PKHD1: variants seen among roughly 807,000 people sequenced by gnomAD.
PKHD1 encodes the protein PKHD1 ciliary IPT domain containing fibrocystin/polyductin, also known as fibrocystin.
In PKHD1, 291 loss-of-function variants were observed where a neutral mutation model predicts 412.0. The observed-to-expected ratio is 0.71, with a 90% confidence interval of 0.64 to 0.78. The LOEUF (loss-of-function observed/expected upper bound fraction) is 0.78. Ranked by LOEUF, PKHD1 falls within the 30% of genes least tolerant of loss-of-function variation. The pLI, the probability that PKHD1 is intolerant of heterozygous loss-of-function variation, is 0.00. For synonymous variants in PKHD1, 1,777 were observed against 1,821.5 expected (o/e 0.98, Z 0.62); for missense variants, 4,825 against 4,950.7 (o/e 0.97, Z 0.76).
At chr6:51,981,579 G>A (rs1245769341) in intron 35 of PKHD1, among the ~76,000 whole-genome samples, 11 of 144,092 alleles carry the variant, frequency 7.6e-5, no homozygotes, top group East Asian at 2.1e-4. Flanking sequence ...TCGGCCTCCC[G>A]GGGTGCCGGG....
intron 35 of PKHD1, among the ~76,000 whole-genome samples, chr6:52,006,371 GTTGTTTGT>G (rs34570175): frequency 6.7e-6 from 1 of 148,574 alleles, no homozygotes; most frequent in Non-Finnish European, 1.5e-5. Context: ...TGTTGTTGTT[GTTGTTTGT>G]TTGTTTGTTT....
intron 59 of PKHD1, among the ~76,000 whole-genome samples, chr6:51,746,030 C>T (rs9395711): frequency 0.32 from 48,671 of 151,802 alleles, 9,664 homozygotes; most frequent in East Asian, 0.68. Context: ...AAGGAGTTTG[C>T]CCCAGTGTTG....
At chr6:51,649,349 T>C in intron 61 of PKHD1, 129 bp from the exon 62 acceptor site, 1 of 724,110 alleles carries the variant, frequency 1.4e-6, no homozygotes, top group Non-Finnish European at 2.4e-6. Flanking sequence ...AAATAATACA[T>C]TGTGTAGTGA....
chr6:51,999,305 C>T (rs1798079509), intron 35 of PKHD1, among the ~76,000 whole-genome samples: 1 of 152,196 alleles, frequency 6.6e-6, no homozygotes. Flanking sequence ...TCCTGCCTCT[C>T]CCTTCTGGTT....
intron 35 of PKHD1, among the ~76,000 whole-genome samples, chr6:51,992,134 A>T (rs979631625): frequency 2.0e-5 from 3 of 152,236 alleles, no homozygotes; most frequent in Admixed American, 2.0e-4. Context: ...TCATCACTTT[A>T]AAGTTTCATT....
chr6:51,863,187 C>T (rs1774476959), intron 48 of PKHD1, among the ~76,000 whole-genome samples: 1 of 152,104 alleles, frequency 6.6e-6, no homozygotes, highest in Non-Finnish European at 1.5e-5. Flanking sequence ...ATGACTTGTA[C>T]CCACAAAGGA....
intron 6 of PKHD1, among the ~76,000 whole-genome samples, chr6:52,074,509 T>A (rs1209510793): frequency 2.0e-5 from 3 of 152,188 alleles, no homozygotes; most frequent in Non-Finnish European, 4.4e-5. Flanking sequence ...AATGATCGAT[T>A]CCCTAGCCTT....
intron 60 of PKHD1, among the ~76,000 whole-genome samples, chr6:51,724,910 G>T (rs1343810746): frequency 1.3e-5 from 2 of 152,200 alleles, no homozygotes; most frequent in Non-Finnish European, 2.9e-5. Context: ...GGGTGAACTA[G>T]ATAGCAAAAA....
intron 53 of PKHD1, among the ~76,000 whole-genome samples, chr6:51,777,247 T>C (rs995710093): frequency 2.6e-5 from 4 of 152,140 alleles, no homozygotes; most frequent in African/African-American, 9.7e-5. Context: ...TTGCTGACAC[T>C]TCCTATATAC....
chr6:52,033,466 T>C (rs9370093), intron 28 of PKHD1, among the ~76,000 whole-genome samples: 1 of 151,816 alleles, frequency 6.6e-6, no homozygotes, highest in East Asian at 1.9e-4. Context: ...AACACACCAA[T>C]TGTTTCTGCA....
At chr6:51,691,521 T>C (rs1778154915) in intron 60 of PKHD1, among the ~76,000 whole-genome samples, 2 of 152,286 alleles carry the variant, frequency 1.3e-5, no homozygotes, top group East Asian at 1.9e-4. Context: ...TTGATGAAGC[T>C]GAAGGCCATT....
chr6:51,969,972 T>A (rs1420302693), intron 35 of PKHD1, among the ~76,000 whole-genome samples: 1 of 152,182 alleles, frequency 6.6e-6, no homozygotes, highest in Non-Finnish European at 1.5e-5. Flanking sequence ...GATTGCTAGA[T>A]CAAATGGTAC....
At chr6:52,013,874 C>T (rs1239297202) in intron 34 of PKHD1, among the ~76,000 whole-genome samples, 1 of 152,244 alleles carries the variant, frequency 6.6e-6, no homozygotes, top group African/African-American at 2.4e-5. Flanking sequence ...TTTTCTCTCC[C>T]TCACTTCCCC....
chr6:51,705,073 T>C (rs970195485), intron 60 of PKHD1, among the ~76,000 whole-genome samples: 1 of 152,088 alleles, frequency 6.6e-6, no homozygotes, highest in Non-Finnish European at 1.5e-5. Flanking sequence ...GTTTGCATAG[T>C]AGAGTATTTA....
chr6:51,638,813 A>AAG, intron 64 of PKHD1, 36 bp downstream of exon 64: 1 of 1,319,042 alleles, frequency 7.6e-7, no homozygotes, highest in Non-Finnish European at 1.1e-6. Context: ...AAAAAAAAAA[A>AAG]AAAACACAGA....
intron 57 of PKHD1, among the ~76,000 whole-genome samples, chr6:51,748,976 G>T (rs562501906): frequency 6.6e-6 from 1 of 152,264 alleles, no homozygotes; most frequent in South Asian, 2.1e-4. Context: ...CTGTGTATTT[G>T]TCGGGGGCCG....
At chr6:51,893,487 T>C (rs1468668679) in intron 43 of PKHD1, among the ~76,000 whole-genome samples, 1 of 152,224 alleles carries the variant, frequency 6.6e-6, no homozygotes, top group Non-Finnish European at 1.5e-5. Flanking sequence ...AGAAGCACTT[T>C]AACAGTCAGA....
chr6:51,625,942 C>T (rs1767172132), intron 66 of PKHD1, among the ~76,000 whole-genome samples: 1 of 152,300 alleles, frequency 6.6e-6, no homozygotes, highest in East Asian at 1.9e-4. Context: ...ATAGCACTCC[C>T]AACCACACCC....
chr6:51,998,681 T>G (rs1045567062), intron 35 of PKHD1, among the ~76,000 whole-genome samples: 6 of 151,906 alleles, frequency 3.9e-5, no homozygotes, highest in African/African-American at 1.5e-4. Context: ...TTTTGTTTGG[T>G]TTTTTTCCCT....
Sources: allele counts gnomAD v4.1 joint callset (sites outside exome capture counted in the v4.1 genomes callset), GRCh38; gene constraint gnomAD v4.1.1; transcripts MANE v1.5; gene names NCBI Gene and HGNC (gene_info 2026-07-23, HGNC 2026-07-21).